PCDH11Y: variants seen among roughly 807,000 people sequenced by gnomAD.
The protein encoded by PCDH11Y is protocadherin-11 Y-linked.
For synonymous variants in PCDH11Y, 9 were observed against 83.6 expected (o/e 0.11, Z 4.87); for missense variants, 12 against 224.8 (o/e 0.05, Z 6.05).
At chrY:5,285,664 A>G (rs368315953) in intron 2 of PCDH11Y, among the ~76,000 whole-genome samples, 4 of 33,691 alleles carry the variant, frequency 1.2e-4, no homozygotes, top group South Asian at 6.5e-4. Flanking sequence ...GTGATACTGA[A>G]CATTTTTTCA....
intron 2 of PCDH11Y, among the ~76,000 whole-genome samples, chrY:5,326,955 C>A (rs2053122024): frequency 3.0e-5 from 1 of 32,822 alleles, no homozygotes; most frequent in African/African-American, 1.2e-4. Flanking sequence ...AGTCCTGGCT[C>A]TTGTGTAAGA....
chrY:5,264,112 G>A, intron 2 of PCDH11Y, among the ~76,000 whole-genome samples: 2 of 32,292 alleles, frequency 6.2e-5, no homozygotes, highest in African/African-American at 2.4e-4. Flanking sequence ...TTCACTTAAA[G>A]CCCAAGGGCT....
downstream of PCDH11Y, among the ~76,000 whole-genome samples, chrY:5,108,533 G>A: frequency 3.2e-5 from 1 of 30,985 alleles, no homozygotes; most frequent in Non-Finnish European, 7.7e-5. Context: ...GGATCACGAG[G>A]TCAGGAGATC....
chrY:5,362,759 T>C (rs2053175767), intron 2 of PCDH11Y, among the ~76,000 whole-genome samples: 11 of 30,739 alleles, frequency 3.6e-4, no homozygotes, highest in African/African-American at 1.4e-3. Context: ...AAGGACATGA[T>C]CTCATTCCTT....
chrY:5,684,550 C>T, intron 4 of PCDH11Y, among the ~76,000 whole-genome samples: 1 of 33,010 alleles, frequency 3.0e-5, no homozygotes. Context: ...GAACTGTTTA[C>T]AATAGCCAAT....
chrY:5,261,084 C>G, intron 2 of PCDH11Y, among the ~76,000 whole-genome samples: 1 of 32,912 alleles, frequency 3.0e-5, no homozygotes, highest in Non-Finnish European at 7.4e-5. Context: ...GTGAGATATG[C>G]CCTTCACCTT....
intron 2 of PCDH11Y, among the ~76,000 whole-genome samples, chrY:5,382,927 C>T: frequency 3.0e-5 from 1 of 33,347 alleles, no homozygotes; most frequent in Admixed American, 2.8e-4. Flanking sequence ...GAAGGCCGGT[C>T]GCGGTAGCTC....
intron 3 of PCDH11Y, among the ~76,000 whole-genome samples, chrY:5,562,242 T>G (rs1386543307): frequency 1.8e-4 from 6 of 33,688 alleles, no homozygotes; most frequent in Non-Finnish European, 4.4e-4. Flanking sequence ...AGCTACTAAA[T>G]TGATTCAGAA....
At chrY:5,373,738 G>GTA (rs2053194368) in intron 2 of PCDH11Y, among the ~76,000 whole-genome samples, 1 of 22,817 alleles carries the variant, frequency 4.4e-5, no homozygotes, top group South Asian at 9.5e-4. Context: ...ATATATGTGT[G>GTA]TATATATACA....
chrY:5,057,688 A>C, intron 1 of PCDH11Y, among the ~76,000 whole-genome samples: 1 of 33,395 alleles, frequency 3.0e-5, no homozygotes, highest in East Asian at 8.0e-4. Context: ...TGTTTCCATT[A>C]ATCTATAAAG....
At chrY:5,722,506 A>G in intron 4 of PCDH11Y, among the ~76,000 whole-genome samples, 1 of 30,882 alleles carries the variant, frequency 3.2e-5, no homozygotes, top group Non-Finnish European at 7.9e-5. Flanking sequence ...TAAAAGTCAT[A>G]TATACACAAT....
chrY:5,232,882 C>A, intron 2 of PCDH11Y, among the ~76,000 whole-genome samples: 1 of 32,567 alleles, frequency 3.1e-5, no homozygotes, highest in South Asian at 7.1e-4. Context: ...TCAAGGGATC[C>A]TTCTCTGGCT....
At chrY:5,149,042 A>G (rs2052861003) in intron 2 of PCDH11Y, among the ~76,000 whole-genome samples, 2 of 32,802 alleles carry the variant, frequency 6.1e-5, no homozygotes, top group African/African-American at 1.2e-4. Context: ...AGATTTCCCT[A>G]TCTCACTAAA....
At chrY:5,406,566 A>C in intron 2 of PCDH11Y, among the ~76,000 whole-genome samples, 1 of 33,819 alleles carries the variant, frequency 3.0e-5, no homozygotes, top group South Asian at 6.5e-4. Flanking sequence ...TCAGCAGGTA[A>C]CTTTTTAAAG....
At chrY:5,356,381 C>A in intron 2 of PCDH11Y, among the ~76,000 whole-genome samples, 1 of 32,379 alleles carries the variant, frequency 3.1e-5, no homozygotes, top group African/African-American at 1.2e-4. Flanking sequence ...TTGTCTCCTG[C>A]TAAATCACGG....
exon 1 of PCDH11Y, chrY:5,000,366 A>T: frequency 2.3e-4 from 6 of 26,325 alleles, no homozygotes; most frequent in Non-Finnish European, 4.5e-4. Context: ...CGCGGCAAAG[A>T]GGAAGGCAAG....
At chrY:5,047,077 G>A in intron 3 of PCDH11Y, among the ~76,000 whole-genome samples, 1 of 33,834 alleles carries the variant, frequency 3.0e-5, no homozygotes, top group Non-Finnish European at 7.4e-5. Flanking sequence ...TGTCTTCTGC[G>A]TCGCTCACGC....
chrY:5,242,792 T>G, intron 2 of PCDH11Y, among the ~76,000 whole-genome samples: 2 of 33,531 alleles, frequency 6.0e-5, no homozygotes, highest in Non-Finnish European at 1.5e-4. Flanking sequence ...TTCAAGCACA[T>G]TAGACAAATA....
At chrY:5,523,486 G>T (rs2124690549) in intron 3 of PCDH11Y, among the ~76,000 whole-genome samples, 6 of 32,257 alleles carry the variant, frequency 1.9e-4, no homozygotes, top group Admixed American at 8.6e-4. Flanking sequence ...TTGTCATTGA[G>T]TAAATTGATA....
Sources: gnomAD v4.1 joint callset for allele counts (sites outside exome capture counted in the v4.1 genomes callset) on GRCh38, gnomAD v4.1.1 for gene constraint, MANE v1.5 for transcripts, NCBI Gene and HGNC (gene_info 2026-07-23, HGNC 2026-07-21) for gene names.